KIF7: variants seen among roughly 807,000 people sequenced by gnomAD.
KIF7 encodes the protein kinesin family member 7, also known as kinesin-like protein KIF7.
A neutral mutation model predicts 135.7 loss-of-function variants in KIF7; 104 were observed. The observed-to-expected ratio is 0.77, with a 90% CI of 0.65 to 0.90. The LOEUF is 0.90. Among genes scored for constraint, KIF7 ranks in the 40% least tolerant of loss-of-function variants. KIF7 has a pLI of 0.00. For synonymous variants in KIF7, 883 were observed against 809.4 expected (o/e 1.09, Z -1.54); for missense variants, 2,005 against 1,839.1 (o/e 1.09, Z -1.65).
intron 1 of KIF7, chr15:89,621,595 C>T: frequency 6.6e-7 from 1 of 1,524,826 alleles, no homozygotes; most frequent in African/African-American, 1.4e-5. Context: ...TCTCCTGGAA[C>T]ACAGAGACAT....
downstream of KIF7, chr15:89,627,243 A>C: frequency 2.8e-5 from 23 of 829,514 alleles, no homozygotes; most frequent in Non-Finnish European, 3.7e-5. Context: ...TATGGATCCA[A>C]TCCATCTCCT....
At chr15:89,625,625 C>G, downstream of KIF7, 1 of 1,613,302 alleles carries the variant, frequency 6.2e-7, no homozygotes, top group South Asian at 1.1e-5. Context: ...GGGTTGAGTT[C>G]CAGGAAGAGA....
At chr15:89,652,479 T>C (rs1964138602) in intron 2 of KIF7, 124 bp downstream of exon 2, 3 of 779,116 alleles carry the variant, frequency 3.9e-6, no homozygotes, top group Non-Finnish European at 6.1e-6. Context: ...GTCTAGGAAA[T>C]CGACTCTTCC....
At chr15:89,631,307 T>A (rs538365154) in intron 15 of KIF7, among the ~76,000 whole-genome samples, 188 bp downstream of exon 15, 9 of 152,286 alleles carry the variant, frequency 5.9e-5, no homozygotes, top group African/African-American at 2.2e-4. Flanking sequence ...TCCCAGCCAA[T>A]GAGGCCAAAG....
intron 2 of KIF7, among the ~76,000 whole-genome samples, chr15:89,651,034 C>T (rs1159200233): frequency 2.6e-5 from 4 of 152,108 alleles, no homozygotes; most frequent in Admixed American, 2.6e-4. Flanking sequence ...TGGGTTCAAG[C>T]AATCCTCCTG....
In KIF7 at chr15:89,633,230, G is replaced by A. The variant is rs748560841; in HGVS notation, c.2629C>T (p.Leu877=). The A allele has an allele frequency of 6.3e-7, 1 of 1,587,884 alleles. No individual in the cohort carries two copies. The highest frequency in any genetic ancestry group is 8.5e-7 in the Non-Finnish European group (1 of 1,169,618). ...ELKHEQQQKI[L]KIKTEEIAAF... is the part of the protein sequence containing the mutation. Reference sequence around the variant, plus strand: ...GCGATCTCTTCCGTCTTAATCTTCAGGATCTTCTGCTGTTGCTCATGCTTC... The same window carrying A: ...GCGATCTCTTCCGTCTTAATCTTCAAGATCTTCTGCTGTTGCTCATGCTTC... Residue 877 remains leucine, a synonymous_variant, in exon 13 of 19, where the codon CTG becomes TTG. Coordinates refer to ENST00000394412, the MANE Select transcript of KIF7 (RefSeq NM_198525.3).
rs746304930 is a variant in KIF7, at chr15:89,642,210, T to C, written c.2387A>G (p.Gln796Arg). 2.5e-6 allele frequency: 4 copies of C among 1,610,198 alleles called. No homozygotes were observed. The highest frequency in any genetic ancestry group is 3.4e-6 in the Non-Finnish European group (4 of 1,179,536). Residue 796 changes from glutamine to arginine, a missense_variant, in exon 11 of 19, where the codon CAG becomes CGG. Transcript: ENST00000394412. ...FRRRVAAAQS[Q>R]VQVLKEKKQA... ...TGAGGCCCCGAGACTAACCTGCACC[T>C]GGCTCTGGGCCGCAGCGACCCTCCT... is the stretch of plus-strand genomic sequence containing the variant.
chr15:89,653,041 C>T (rs1964150294), intron 1 of KIF7, 87 bp from the exon 2 acceptor site: 1 of 1,054,566 alleles, frequency 9.5e-7, no homozygotes, highest in Non-Finnish European at 1.3e-6. Flanking sequence ...CCAGATCCTG[C>T]AGCTCCTGAC....
chr15:89,625,924 G>A, downstream of KIF7: 1 of 1,556,572 alleles, frequency 6.4e-7, no homozygotes, highest in Non-Finnish European at 8.6e-7. Flanking sequence ...TTACTATGTG[G>A]GATCTCTTTA....
At position 89,633,382 on chromosome 15, in the gene KIF7, G is replaced by A. The variant is rs557138531; in HGVS notation, c.2593-116C>T. On this transcript the variant is annotated intron_variant, in intron 12 of 18. Coordinates refer to ENST00000394412, the MANE Select transcript of KIF7 (RefSeq NM_198525.3). The stretch of plus-strand genomic sequence containing the variant: ...CCCACTCCCAAGAGGGCCCTGCGAA[G>A]TGTCCCCCAGACCCATCCCACACAA... The A allele has an allele frequency of 3.7e-6, 5 of 1,353,214 alleles. No individual in the cohort carries two copies. In the Admixed American group the frequency reaches 5.9e-5, roughly 16 times the overall value. The allele number at this position is 1,353,214 out of a possible 1,614,324, so 83.8% of individuals were successfully genotyped here. A position where few individuals can be genotyped will look rare whatever the true frequency, so the allele number is the denominator to read the frequency against.
At chr15:89,648,142 G>A (rs529052003) in intron 5 of KIF7, 113 bp downstream of exon 5, 1 of 1,344,188 alleles carries the variant, frequency 7.4e-7, no homozygotes, top group East Asian at 3.0e-5. Flanking sequence ...TCCCGAACGT[G>A]CCCTGCTAAT....
chr15:89,629,905 G>A, intron 16 of KIF7: 1 of 519,432 alleles, frequency 1.9e-6, no homozygotes, highest in Non-Finnish European at 3.5e-6. Context: ...ATTCTTGGTT[G>A]TGGGGGCCTG....
At chr15:89,662,797 C>T in the KIF7 span, among the ~76,000 whole-genome samples, 1 of 152,216 alleles carries the variant, frequency 6.6e-6, no homozygotes, top group Admixed American at 6.5e-5. Context: ...CAAATGTCTG[C>T]CATTTAGAGG....
intron 11 of KIF7, 53 bp downstream of exon 11, chr15:89,642,150 G>A: frequency 3.8e-6 from 6 of 1,566,708 alleles, no homozygotes; most frequent in Non-Finnish European, 5.2e-6. Context: ...AAGGATGGCA[G>A]CCTAGGAGGC....
chr15:89,637,869 AAAG>A (rs1963842464), intron 11 of KIF7, among the ~76,000 whole-genome samples: 1 of 128,454 alleles, frequency 7.8e-6, no homozygotes, highest in South Asian at 2.9e-4. Flanking sequence ...CACAACCAAA[AAAG>A]AGAATTTTAG....
intron 1 of KIF7, chr15:89,619,890 A>G (rs990778260): frequency 1.9e-6 from 3 of 1,551,114 alleles, no homozygotes; most frequent in African/African-American, 1.4e-5. Context: ...TGACTTGGTG[A>G]GAAGTGTTTT....
downstream of KIF7, among the ~76,000 whole-genome samples, chr15:89,626,377 G>A (rs1297737818): frequency 9.9e-5 from 15 of 152,230 alleles, no homozygotes; most frequent in Non-Finnish European, 8.8e-5. Flanking sequence ...TGAGCAGCAC[G>A]AGTGATAGGC....
downstream of KIF7, chr15:89,624,065 C>G (rs757288138): frequency 6.2e-7 from 1 of 1,613,996 alleles, no homozygotes. Context: ...AGAACACCTC[C>G]GAGAGCAGCA....
At chr15:89,625,861 G>A, downstream of KIF7, 1 of 1,544,598 alleles carries the variant, frequency 6.5e-7, no homozygotes, top group Non-Finnish European at 8.7e-7. Context: ...GCACTTGGGA[G>A]TTGCTTCTTG....
Sources: gnomAD v4.1 joint callset for allele counts (sites outside exome capture counted in the v4.1 genomes callset) on GRCh38, gnomAD v4.1.1 for gene constraint, MANE v1.5 for transcripts, NCBI Gene and HGNC (gene_info 2026-07-23, HGNC 2026-07-21) for gene names.